NTM: variants seen among roughly 807,000 people sequenced by gnomAD.
NTM encodes neurotrimin.
A neutral mutation model predicts 42.1 loss-of-function variants in NTM; 13 were observed. The ratio of observed to expected loss-of-function variants is 0.31; its 90% CI spans 0.20 to 0.49. NTM has a LOEUF of 0.49. Ranked by LOEUF, NTM falls within the 20% of genes least tolerant of loss-of-function variation. NTM has a pLI of 0.99. For missense variants in NTM, 373 were observed against 452.8 expected, an observed-to-expected ratio of 0.82 and a Z score of 1.60; for synonymous variants, 187 against 179.2, an observed-to-expected ratio of 1.04 and a Z score of -0.35.
intron 1 of NTM, among the ~76,000 whole-genome samples, chr11:131,398,473 C>A (rs1390494337): frequency 6.6e-6 from 1 of 152,106 alleles, no homozygotes; most frequent in Non-Finnish European, 1.5e-5. Flanking sequence ...ATTTATATCT[C>A]ATTTTTTTCT....
intron 2 of NTM, among the ~76,000 whole-genome samples, chr11:132,134,135 C>G (rs1036155480): frequency 5.9e-5 from 9 of 152,088 alleles, no homozygotes; most frequent in East Asian, 3.9e-4. Flanking sequence ...GTTGCCCTGG[C>G]TTGTCTTGAA....
chr11:131,552,743 G>A (rs1425637017), intron 1 of NTM, among the ~76,000 whole-genome samples: 4 of 151,070 alleles, frequency 2.6e-5, no homozygotes, highest in East Asian at 4.0e-4. Context: ...GTGTGAACCC[G>A]GGAGGCGGAG....
intron 1 of NTM, among the ~76,000 whole-genome samples, chr11:131,613,668 G>A (rs1293033147): frequency 6.6e-6 from 1 of 152,156 alleles, no homozygotes; most frequent in African/African-American, 2.4e-5. Flanking sequence ...TGAGAACAGG[G>A]CGTGTGTGGT....
intron 1 of NTM, among the ~76,000 whole-genome samples, chr11:131,675,128 C>T (rs1460017674): frequency 6.6e-6 from 1 of 152,188 alleles, no homozygotes; most frequent in African/African-American, 2.4e-5. Flanking sequence ...TACTTTGGTT[C>T]TTGTATAAGA....
chr11:131,402,079 G>A (rs2135692863), intron 1 of NTM, among the ~76,000 whole-genome samples: 1 of 151,462 alleles, frequency 6.6e-6, no homozygotes, highest in African/African-American at 2.4e-5. Flanking sequence ...ATTTTGGAAA[G>A]ACAGCTGGCA....
intron 3 of NTM, among the ~76,000 whole-genome samples, chr11:132,155,098 G>A (rs2072877562): frequency 1.3e-5 from 2 of 152,170 alleles, no homozygotes; most frequent in Non-Finnish European, 2.9e-5. Flanking sequence ...TTGGGAGTCT[G>A]CACAATGAAC....
chr11:132,138,180 G>A (rs919585133), intron 2 of NTM, among the ~76,000 whole-genome samples: 1 of 152,080 alleles, frequency 6.6e-6, no homozygotes, highest in African/African-American at 2.4e-5. Flanking sequence ...AGGGTTCTTG[G>A]AGTAGAGAAA....
intron 1 of NTM, among the ~76,000 whole-genome samples, chr11:131,789,434 A>AAGG: frequency 1.3e-4 from 1 of 7,766 alleles, no homozygotes; most frequent in African/African-American, 5.2e-4. Context: ...AAGAAGGAAG[A>AAGG]AGAAGAAGAA....
chr11:132,085,254 G>A (rs866644027), intron 2 of NTM, among the ~76,000 whole-genome samples: 2 of 152,102 alleles, frequency 1.3e-5, no homozygotes, highest in Non-Finnish European at 2.9e-5. Flanking sequence ...ATTTTCAGTG[G>A]TCTCAATTAC....
At chr11:131,716,894 GC>G (rs1289906794) in intron 1 of NTM, among the ~76,000 whole-genome samples, 6 of 152,154 alleles carry the variant, frequency 3.9e-5, no homozygotes, top group African/African-American at 1.4e-4. Context: ...AGTCTGCAGT[GC>G]AGTGGCACAA....
intron 1 of NTM, among the ~76,000 whole-genome samples, chr11:131,555,361 C>G (rs2055267856): frequency 6.6e-6 from 1 of 152,136 alleles, no homozygotes; most frequent in Admixed American, 6.6e-5. Context: ...TTCCATTGGA[C>G]AGGGTTGTCA....
At chr11:132,001,855 T>C (rs2069351360) in intron 2 of NTM, among the ~76,000 whole-genome samples, 1 of 151,848 alleles carries the variant, frequency 6.6e-6, no homozygotes, top group South Asian at 2.1e-4. Context: ...ACTTGAGCAA[T>C]TGCCAAATGA....
At chr11:132,024,437 T>G (rs1440713397) in intron 2 of NTM, among the ~76,000 whole-genome samples, 1 of 152,266 alleles carries the variant, frequency 6.6e-6, no homozygotes, top group Admixed American at 6.5e-5. Context: ...CATATCCTTC[T>G]GTATACTTTT....
chr11:131,883,909 T>G (rs531369254), intron 1 of NTM, among the ~76,000 whole-genome samples: 1 of 152,292 alleles, frequency 6.6e-6, no homozygotes, highest in Non-Finnish European at 1.5e-5. Context: ...GGGTCTTGAC[T>G]TTTCTTTTAT....
intron 1 of NTM, among the ~76,000 whole-genome samples, chr11:131,629,400 C>A (rs1287655152): frequency 1.3e-5 from 2 of 152,204 alleles, no homozygotes; most frequent in East Asian, 3.8e-4. Context: ...TCCCAGCTTG[C>A]ATGGCTGCTC....
At chr11:132,203,933 AAC>A (rs1246024780) in intron 3 of NTM, among the ~76,000 whole-genome samples, 1 of 152,126 alleles carries the variant, frequency 6.6e-6, no homozygotes, top group Admixed American at 6.6e-5. Flanking sequence ...ACAAAAAAAA[AAC>A]ACTGCAATTT....
chr11:131,547,401 T>C lies in NTM; in HGVS notation c.82+176513T>C, dbSNP rs140972927. On this transcript the variant is annotated intron_variant, in intron 1 of 8. Transcript: ENST00000683400. ...CTTGGACAGAGAGAGAATGCTGGCC[T>C]GATCCAGACGATCTTCAACGTCTTG... 7.7e-3 allele frequency among the ~76,000 whole-genome samples: 1,174 copies of C among 152,354 alleles called. 15 individuals carry two copies. The highest frequency in any genetic ancestry group is 0.025 in the African/African-American group (1,057 of 41,576).
At chr11:131,685,696 A>G (rs1359650093) in intron 1 of NTM, among the ~76,000 whole-genome samples, 1 of 152,016 alleles carries the variant, frequency 6.6e-6, no homozygotes, top group Non-Finnish European at 1.5e-5. Flanking sequence ...TAAAAAAATC[A>G]TTTTGCTTAA....
intron 2 of NTM, among the ~76,000 whole-genome samples, chr11:131,931,922 C>T (rs73580774): frequency 0.038 from 5,796 of 152,230 alleles, 367 homozygotes; most frequent in African/African-American, 0.13. Context: ...GCATTTCTGG[C>T]GGGAGAGAGG....
Sources: gnomAD v4.1 joint callset for allele counts (sites outside exome capture counted in the v4.1 genomes callset) on GRCh38, gnomAD v4.1.1 for gene constraint, MANE v1.5 for transcripts, NCBI Gene and HGNC (gene_info 2026-07-23, HGNC 2026-07-21) for gene names.